Variants in HDAC9 observed in about 807,000 individuals in gnomAD.
HDAC9 encodes the protein histone deacetylase 9.
In HDAC9, 41 loss-of-function variants were observed where a neutral mutation model predicts 139.4. That is an observed-to-expected ratio of 0.29 (90% confidence interval 0.23 to 0.38). The LOEUF (loss-of-function observed/expected upper bound fraction) is 0.38, where lower values mean the gene tolerates loss of function less well. HDAC9 is among the 10% of genes least tolerant of loss of function. The probability of loss-of-function intolerance (pLI) is 1.00; values close to 1 mark genes in which losing one functional copy is unlikely to be tolerated. For missense variants in HDAC9, 1,147 were observed against 1,297.0 expected (o/e 0.88, Z 1.78); for synonymous variants, 517 against 476.2 (o/e 1.09, Z -1.12).
intron 21 of HDAC9, among the ~76,000 whole-genome samples, chr7:18,855,273 G>A (rs113005005): frequency 5.9e-5 from 9 of 152,020 alleles, no homozygotes; most frequent in South Asian, 4.1e-4. Flanking sequence ...AAGATCTATC[G>A]TGACCTAGCG....
exon 2 of HDAC9, chr7:18,162,293 G>T (rs1307037840): frequency 2.0e-6 from 3 of 1,533,416 alleles, no homozygotes; most frequent in Non-Finnish European, 2.6e-6. Flanking sequence ...CTGTGAATCT[G>T]CATCCTAGTC....
intron 2 of HDAC9, among the ~76,000 whole-genome samples, chr7:18,168,186 A>C (rs1486381092): frequency 3.3e-5 from 5 of 152,192 alleles, no homozygotes; most frequent in African/African-American, 1.2e-4. Context: ...AAATAATGTC[A>C]ATTTATCTGA....
chr7:18,563,560 C>T lies in HDAC9; in HGVS notation c.23-21721C>T, dbSNP rs140028022. Among the ~76,000 whole-genome samples the T allele has an allele frequency of 6.6e-5, 10 of 152,222 alleles. No homozygotes were observed. In the East Asian group the frequency reaches 1.9e-3, roughly 29 times the overall value. On this transcript the variant is annotated intron_variant, in intron 2 of 25. Transcript: ENST00000686413. ...AATTTTTCCTGTTTCTGTGATTACA[C>T]AATGTATTTAAGGTGTTTAGCACAA...
At chr7:18,600,481 G>T (rs1833661012) in intron 6 of HDAC9, among the ~76,000 whole-genome samples, 1 of 152,126 alleles carries the variant, frequency 6.6e-6, no homozygotes, top group Admixed American at 6.5e-5. Flanking sequence ...TCCTTGTCTA[G>T]ATTCATTGTT....
chr7:18,732,671 A>ATGTGTACACACACACACGTGTG lies in HDAC9; in HGVS notation c.1909+4919_1909+4920insACACACACACACGTGTGTGTGT, dbSNP rs1786235050. ...TGTATATATACACACACACGTGTAT[A>ATGTGTACACACACACACGTGTG]TGTGTGCGTATGTGTACACACACAC... On this transcript the variant is annotated intron_variant, in intron 13 of 25. Coordinates refer to ENST00000686413, the MANE Select transcript of HDAC9 (RefSeq NM_178425.4). Among the ~76,000 whole-genome samples, 4 of 124,446 alleles carry ATGTGTACACACACACACGTGTG rather than the reference A, an allele frequency of 3.2e-5. 1 individual carries two copies. Among genetic ancestry groups the ATGTGTACACACACACACGTGTG allele is most frequent in the African/African-American group, 7.4e-5 (2 of 26,904 alleles). The allele number at this position is 124,446 out of a possible 152,430, so 81.6% of individuals were successfully genotyped here.
chr7:18,476,252 TG>T (rs2128124082), intron 1 of HDAC9, among the ~76,000 whole-genome samples: 1 of 152,272 alleles, frequency 6.6e-6, no homozygotes, highest in South Asian at 2.1e-4. Flanking sequence ...GGCATCACCT[TG>T]ACAAATTCAC....
chr7:18,216,437 G>T (rs1232273454), intron 2 of HDAC9, among the ~76,000 whole-genome samples: 3 of 152,014 alleles, frequency 2.0e-5, no homozygotes, highest in Admixed American at 1.3e-4. Context: ...GTTGGTGATA[G>T]GCATCTGTAC....
intron 24 of HDAC9, among the ~76,000 whole-genome samples, chr7:18,962,251 G>C (rs537437819): frequency 9.9e-4 from 151 of 152,290 alleles, no homozygotes; most frequent in African/African-American, 3.2e-3. Context: ...CTTGACGTTA[G>C]AGTCCTGGGC....
intron 21 of HDAC9, among the ~76,000 whole-genome samples, chr7:18,868,402 A>C (rs1347524525): frequency 6.6e-6 from 1 of 152,204 alleles, no homozygotes; most frequent in African/African-American, 2.4e-5. Context: ...TTTCTTTAAG[A>C]AAGAGGCAAT....
chr7:18,877,204 A>C (rs1005955270), intron 22 of HDAC9, among the ~76,000 whole-genome samples: 3 of 152,116 alleles, frequency 2.0e-5, no homozygotes, highest in Admixed American at 2.0e-4. Context: ...ATGCTGCCCC[A>C]ACAAGTGGGT....
At chr7:18,347,111 C>G (rs1197514599) in intron 1 of HDAC9, among the ~76,000 whole-genome samples, 1 of 152,132 alleles carries the variant, frequency 6.6e-6, no homozygotes, top group Non-Finnish European at 1.5e-5. Flanking sequence ...TTTTAGAACA[C>G]AATACTTGGT....
At chr7:18,949,078 G>T (rs1782604217) in intron 23 of HDAC9, 3 of 353,610 alleles carry the variant, frequency 8.5e-6, no homozygotes, top group East Asian at 7.8e-5. Flanking sequence ...TTAGCGTTTT[G>T]GGAGGGTTTT....
chr7:18,431,307 C>T (rs1463608526), intron 1 of HDAC9, among the ~76,000 whole-genome samples: 1 of 152,078 alleles, frequency 6.6e-6, no homozygotes, highest in Non-Finnish European at 1.5e-5. Flanking sequence ...TCTATCAGGG[C>T]CTGAAAATAG....
chr7:18,399,532 C>A (rs1345079623), intron 1 of HDAC9, among the ~76,000 whole-genome samples: 1 of 152,082 alleles, frequency 6.6e-6, no homozygotes, highest in African/African-American at 2.4e-5. Context: ...GTTTTGTCGA[C>A]AAGGGAATCT....
At chr7:18,582,955 TATG>T (rs1176276776) in intron 2 of HDAC9, among the ~76,000 whole-genome samples, 4 of 152,166 alleles carry the variant, frequency 2.6e-5, no homozygotes, top group Non-Finnish European at 5.9e-5. Flanking sequence ...GGGTCATATA[TATG>T]ATAATAATCA....
chr7:18,707,540 G>T (rs1361537617), intron 12 of HDAC9, among the ~76,000 whole-genome samples: 1 of 152,154 alleles, frequency 6.6e-6, no homozygotes, highest in African/African-American at 2.4e-5. Flanking sequence ...CATTTAAGGT[G>T]AAGGGAATAT....
intron 22 of HDAC9, among the ~76,000 whole-genome samples, chr7:18,901,897 T>C (rs1801759043): frequency 6.6e-6 from 1 of 152,262 alleles, no homozygotes. Context: ...ATTATTATTT[T>C]ATGCCAGATT....
At chr7:18,872,550 G>C (rs191268543) in intron 21 of HDAC9, among the ~76,000 whole-genome samples, 3 of 152,230 alleles carry the variant, frequency 2.0e-5, no homozygotes, top group Admixed American at 2.0e-4. Flanking sequence ...TAAGCTGACT[G>C]TTGGTATTTT....
chr7:18,203,576 C>A (rs1454390972), intron 2 of HDAC9, among the ~76,000 whole-genome samples: 1 of 152,056 alleles, frequency 6.6e-6, no homozygotes, highest in Non-Finnish European at 1.5e-5. Flanking sequence ...AGGCAAATTC[C>A]ATCATGAAAG....
Sources: allele counts gnomAD v4.1 joint callset (sites outside exome capture counted in the v4.1 genomes callset), GRCh38; gene constraint gnomAD v4.1.1; transcripts MANE v1.5; gene names NCBI Gene and HGNC (gene_info 2026-07-23, HGNC 2026-07-21).